Variants in PDIA5 observed in about 807,000 individuals in gnomAD.
PDIA5 encodes protein disulfide-isomerase A5.
A neutral mutation model predicts 77.6 loss-of-function variants in PDIA5; 58 were observed. The ratio of observed to expected loss-of-function variants is 0.75; its 90% CI spans 0.61 to 0.93. The LOEUF is 0.93. Ranked by LOEUF, PDIA5 falls within the 40% of genes least tolerant of loss-of-function variation. The probability of loss-of-function intolerance (pLI) is 0.00; values close to 1 mark genes in which losing one functional copy is unlikely to be tolerated. For missense variants in PDIA5, 630 were observed against 647.7 expected, an observed-to-expected ratio of 0.97 and a Z score of 0.30; for synonymous variants, 250 against 252.1, an observed-to-expected ratio of 0.99 and a Z score of 0.08.
chr3:123,144,283 C>T (rs575143986), intron 11 of PDIA5, among the ~76,000 whole-genome samples: 1 of 152,256 alleles, frequency 6.6e-6, no homozygotes, highest in East Asian at 1.9e-4. Flanking sequence ...TTATAGCGTT[C>T]TCAGCTCCCA....
At chr3:123,146,326 G>A (rs928383151) in intron 13 of PDIA5, 67 bp downstream of exon 13, 105 of 1,356,178 alleles carry the variant, frequency 7.7e-5, no homozygotes, top group Non-Finnish European at 1.1e-4. Context: ...CCACCTTGAG[G>A]AGGTGAAGTA....
At chr3:123,138,995 A>C (rs1482305189) in intron 11 of PDIA5, among the ~76,000 whole-genome samples, 1 of 152,180 alleles carries the variant, frequency 6.6e-6, no homozygotes, top group Non-Finnish European at 1.5e-5. Flanking sequence ...ATTTAATGAA[A>C]TCCAGACGAA....
At chr3:123,076,713 C>T (rs890843753) in intron 1 of PDIA5, among the ~76,000 whole-genome samples, 3 of 152,194 alleles carry the variant, frequency 2.0e-5, no homozygotes, top group Non-Finnish European at 4.4e-5. Context: ...GGGAATTCAC[C>T]TGCTCTTCCT....
chr3:123,097,591 G>A (rs1934474631), intron 3 of PDIA5, among the ~76,000 whole-genome samples: 1 of 152,082 alleles, frequency 6.6e-6, no homozygotes, highest in Admixed American at 6.5e-5. Context: ...CTCTCTCATT[G>A]TCTCCTGCCT....
intron 8 of PDIA5, among the ~76,000 whole-genome samples, chr3:123,120,957 G>A (rs1395242773): frequency 1.3e-5 from 2 of 152,150 alleles, no homozygotes; most frequent in Non-Finnish European, 2.9e-5. Flanking sequence ...CTCATAGCTC[G>A]TCCTTTCTGC....
intron 4 of PDIA5, 96 bp from the exon 5 acceptor site, chr3:123,102,655 C>A: frequency 1.7e-6 from 2 of 1,176,482 alleles, no homozygotes; most frequent in Non-Finnish European, 2.5e-6. Context: ...GAACTCCGTT[C>A]AAAAGCTGAA....
At chr3:123,111,102 TG>T in intron 7 of PDIA5, 98 bp downstream of exon 7, 1 of 837,434 alleles carries the variant, frequency 1.2e-6, no homozygotes, top group Non-Finnish European at 2.0e-6. Flanking sequence ...GGGATTAGCC[TG>T]GGTGCCTGGC....
intron 10 of PDIA5, among the ~76,000 whole-genome samples, chr3:123,125,662 G>GA (rs887806329): frequency 6.6e-6 from 1 of 152,096 alleles, no homozygotes; most frequent in African/African-American, 2.4e-5. Flanking sequence ...TTTGTACCAG[G>GA]AAAAAAATGC....
intron 11 of PDIA5, among the ~76,000 whole-genome samples, chr3:123,132,139 C>T (rs756913019): frequency 6.6e-6 from 1 of 152,166 alleles, no homozygotes; most frequent in Non-Finnish European, 1.5e-5. Context: ...CCCCATTTTA[C>T]AGATGAGACC....
intron 10 of PDIA5, among the ~76,000 whole-genome samples, 159 bp downstream of exon 10, chr3:123,124,502 C>T (rs1386190086): frequency 1.3e-5 from 2 of 152,146 alleles, no homozygotes; most frequent in Non-Finnish European, 2.9e-5. Context: ...GTCTAGGCCA[C>T]TGTGGGGATT....
At chr3:123,081,716 T>C (rs900678541) in intron 1 of PDIA5, among the ~76,000 whole-genome samples, 2 of 152,248 alleles carry the variant, frequency 1.3e-5, no homozygotes, top group Non-Finnish European at 2.9e-5. Flanking sequence ...CATAATTGAA[T>C]ATCTCTGGCT....
intron 1 of PDIA5, among the ~76,000 whole-genome samples, chr3:123,079,484 A>G (rs1437461536): frequency 6.6e-6 from 1 of 152,198 alleles, no homozygotes; most frequent in Non-Finnish European, 1.5e-5. Flanking sequence ...ATATTTTTGC[A>G]TTGCGAAGTC....
intron 1 of PDIA5, among the ~76,000 whole-genome samples, chr3:123,086,309 C>A (rs1934137112): frequency 6.6e-6 from 1 of 152,206 alleles, no homozygotes; most frequent in Admixed American, 6.5e-5. Context: ...GTATCATTAT[C>A]TGTATGTCAG....
intron 15 of PDIA5, among the ~76,000 whole-genome samples, chr3:123,157,655 G>A (rs1273841677): frequency 3.9e-5 from 6 of 152,188 alleles, no homozygotes; most frequent in African/African-American, 1.4e-4. Flanking sequence ...CATAGCCAAA[G>A]TCAATATTAG....
chr3:123,150,443 C>T (rs775605001), intron 14 of PDIA5, 79 bp downstream of exon 14: 2 of 1,408,240 alleles, frequency 1.4e-6, no homozygotes, highest in Non-Finnish European at 1.9e-6. Flanking sequence ...CGCACACCCA[C>T]CCCAGGGACC....
At chr3:123,161,551 A>C in intron 16 of PDIA5, 96 bp downstream of exon 16, 2 of 1,341,312 alleles carry the variant, frequency 1.5e-6, no homozygotes, top group Non-Finnish European at 2.1e-6. Context: ...GCATCCCAGA[A>C]ACTGCAGAAG....
intron 14 of PDIA5, among the ~76,000 whole-genome samples, chr3:123,153,075 A>G (rs534835004): frequency 1.7e-4 from 25 of 151,164 alleles, no homozygotes; most frequent in African/African-American, 5.1e-4. Flanking sequence ...CCTCCCTCCC[A>G]TTACTCATTG....
intron 11 of PDIA5, among the ~76,000 whole-genome samples, chr3:123,137,986 C>T (rs1265666284): frequency 6.6e-6 from 1 of 152,202 alleles, no homozygotes; most frequent in Non-Finnish European, 1.5e-5. Context: ...CACTCTGTCA[C>T]CCAGGCTGGA....
At chr3:123,111,029 C>G in intron 7 of PDIA5, 25 bp downstream of exon 7, 1 of 1,584,810 alleles carries the variant, frequency 6.3e-7, no homozygotes, top group South Asian at 1.1e-5. Flanking sequence ...TCCCTTGGGC[C>G]AGAGCTAGTT....
Sources: allele counts gnomAD v4.1 joint callset (sites outside exome capture counted in the v4.1 genomes callset), GRCh38; gene constraint gnomAD v4.1.1; transcripts MANE v1.5; gene names NCBI Gene and HGNC (gene_info 2026-07-23, HGNC 2026-07-21).